Variants in MEI4 observed in about 807,000 individuals in gnomAD.
MEI4 encodes the protein meiotic double-stranded break formation protein 4, also known as meiosis-specific protein MEI4.
MEI4 carries 27 observed loss-of-function variants against 31.4 expected under a neutral mutation model. That is an observed-to-expected ratio of 0.86 (90% CI 0.63 to 1.19). The LOEUF is 1.19. Ranked by LOEUF, MEI4 falls within the 50% of genes most tolerant of loss-of-function variation. The pLI, the probability that MEI4 is intolerant of heterozygous loss-of-function variation, is 0.00. For missense variants in MEI4, 329 were observed against 398.9 expected (o/e 0.82, Z 1.49); for synonymous variants, 122 against 145.4 (o/e 0.84, Z 1.16).
intron 2 of MEI4, among the ~76,000 whole-genome samples, chr6:77,741,553 T>C (rs1043094586): frequency 6.6e-6 from 1 of 152,174 alleles, no homozygotes; most frequent in African/African-American, 2.4e-5. Flanking sequence ...GTTAATTTTA[T>C]ATGTCCACTT....
chr6:77,785,349 A>C lies in MEI4; in HGVS notation c.768+23684A>C, dbSNP rs141569509. On this transcript the variant is annotated intron_variant, in intron 3 of 4. Transcript: ENST00000684080. ...TGAAGATTTGTTTCAAGCACTTCTC[A>C]AGTATATATTACCACTTGGAGATAA... is the stretch of plus-strand genomic sequence containing the variant. 1.4e-3 allele frequency among the ~76,000 whole-genome samples: 212 copies of C among 152,292 alleles called. 1 individual carries two copies. The highest frequency in any genetic ancestry group is 4.5e-3 in the African/African-American group (186 of 41,568).
At chr6:77,749,260 A>G (rs1447947088) in intron 2 of MEI4, among the ~76,000 whole-genome samples, 1 of 152,160 alleles carries the variant, frequency 6.6e-6, no homozygotes, top group Non-Finnish European at 1.5e-5. Flanking sequence ...AAAACTGAAC[A>G]GAGAATGGGT....
chr6:77,902,293 T>C (rs796260535), intron 4 of MEI4, among the ~76,000 whole-genome samples: 1 of 152,256 alleles, frequency 6.6e-6, no homozygotes, highest in African/African-American at 2.4e-5. Flanking sequence ...TATATTATTT[T>C]GAGATACTAT....
chr6:77,675,013 G>C (rs1210924325), intron 1 of MEI4, among the ~76,000 whole-genome samples: 1 of 151,226 alleles, frequency 6.6e-6, no homozygotes, highest in Non-Finnish European at 1.5e-5. Context: ...ATTTTTCATT[G>C]CTTAATAGTA....
At chr6:77,801,847 T>C (rs1769270778) in intron 3 of MEI4, among the ~76,000 whole-genome samples, 1 of 152,228 alleles carries the variant, frequency 6.6e-6, no homozygotes, top group Non-Finnish European at 1.5e-5. Context: ...AGATAGTTTG[T>C]TATAATTTCT....
At chr6:77,908,482 G>T (rs984261962) in intron 4 of MEI4, among the ~76,000 whole-genome samples, 9 of 151,844 alleles carry the variant, frequency 5.9e-5, no homozygotes, top group Non-Finnish European at 1.0e-4. Flanking sequence ...ATTTCTGAGG[G>T]CTCTGTTCTG....
chr6:77,869,947 A>C (rs141199468), intron 4 of MEI4, among the ~76,000 whole-genome samples: 1 of 152,070 alleles, frequency 6.6e-6, no homozygotes, highest in South Asian at 2.1e-4. Context: ...CTGAGTGCCT[A>C]TCAGCTCCCC....
rs1171118826 is a variant in MEI4 at position 77,926,202 on chromosome 6, G to T, written c.*2856G>T. On this transcript the variant is annotated 3_prime_UTR_variant, in exon 5 of 5. Transcript: ENST00000684080. ...TACATGCTTAACTATGAACCTTAAGGCACAACAGTGGAAATTACTAGCTTA... is the reference window on the plus strand; with the variant it reads ...TACATGCTTAACTATGAACCTTAAGTCACAACAGTGGAAATTACTAGCTTA... The T allele has an allele frequency of 2.0e-5, 3 of 151,898 alleles. No individual in the cohort carries two copies. The highest frequency in any genetic ancestry group is 7.2e-5 in the African/African-American group (3 of 41,384). 9.4% of individuals were successfully genotyped at this position (151,898 alleles called of 1,614,324 possible).
At chr6:77,836,437 G>A (rs1770220349) in intron 4 of MEI4, among the ~76,000 whole-genome samples, 1 of 152,098 alleles carries the variant, frequency 6.6e-6, no homozygotes, top group African/African-American at 2.4e-5. Context: ...AAATTTGGAA[G>A]AAAGCATATT....
chr6:77,730,056 CAA>C (rs1264708736), intron 2 of MEI4, among the ~76,000 whole-genome samples: 1 of 151,830 alleles, frequency 6.6e-6, no homozygotes, highest in Non-Finnish European at 1.5e-5. Flanking sequence ...TGGTGGCAAA[CAA>C]AGTCAGGCAA....
At chr6:77,898,457 A>G (rs1244290982) in intron 4 of MEI4, among the ~76,000 whole-genome samples, 1 of 151,998 alleles carries the variant, frequency 6.6e-6, no homozygotes, top group African/African-American at 2.4e-5. Context: ...ACCAAATGGT[A>G]TATTATATTC....
At chr6:77,915,067 AT>A (rs1766513956) in intron 4 of MEI4, among the ~76,000 whole-genome samples, 1 of 152,024 alleles carries the variant, frequency 6.6e-6, no homozygotes, top group African/African-American at 2.4e-5. Flanking sequence ...GTTGTTATTA[AT>A]ATGTGATGGC....
rs550043808 is a variant in MEI4, at chr6:77,739,324, A to C, written c.233-21806A>C. 4.6e-5 allele frequency among the ~76,000 whole-genome samples: 7 copies of C among 152,220 alleles called. No homozygotes were observed. The South Asian group carries it at 1.5e-3, about 32-fold the overall frequency. The stretch of plus-strand genomic sequence containing the variant: ...ATGGCTAATCAGTTTTCCCAGCACT[A>C]TTTATTAAATAGGGAATCCTGTCCC... On this transcript the variant is annotated intron_variant, in intron 2 of 4. Transcript: ENST00000684080.
intron 2 of MEI4, among the ~76,000 whole-genome samples, chr6:77,712,437 G>A (rs1286571809): frequency 6.6e-6 from 1 of 152,028 alleles, no homozygotes; most frequent in Non-Finnish European, 1.5e-5. Flanking sequence ...TAACTTTATG[G>A]CATGAATATC....
At chr6:77,746,948 G>A (rs1316874364) in intron 2 of MEI4, among the ~76,000 whole-genome samples, 1 of 152,066 alleles carries the variant, frequency 6.6e-6, no homozygotes, top group Non-Finnish European at 1.5e-5. Flanking sequence ...CTTGTAGAGA[G>A]TTCAGGAAAA....
At chr6:77,917,691 C>A (rs554487355) in intron 4 of MEI4, among the ~76,000 whole-genome samples, 6,420 of 126,978 alleles carry the variant, frequency 0.051, 220 homozygotes, top group Non-Finnish European at 0.081. Flanking sequence ...GAGTAGGTTG[C>A]AAAAATTTTC....
intron 2 of MEI4, among the ~76,000 whole-genome samples, chr6:77,710,006 A>G (rs75336599): frequency 6.6e-6 from 1 of 152,250 alleles, no homozygotes; most frequent in Non-Finnish European, 1.5e-5. Context: ...GTTGTCTGCT[A>G]GGGTGAGAGA....
At chr6:77,816,603 GT>G (rs1769695179) in intron 3 of MEI4, among the ~76,000 whole-genome samples, 1 of 152,108 alleles carries the variant, frequency 6.6e-6, no homozygotes, top group Admixed American at 6.6e-5. Context: ...ATAAACATAG[GT>G]GTGCATGTGT....
At chr6:77,669,383 A>G (rs1378812295) in intron 1 of MEI4, among the ~76,000 whole-genome samples, 1 of 152,210 alleles carries the variant, frequency 6.6e-6, no homozygotes, top group Non-Finnish European at 1.5e-5. Flanking sequence ...TAAGTTTTAA[A>G]TGAGTGCCTA....
Sources: allele counts gnomAD v4.1 joint callset (sites outside exome capture counted in the v4.1 genomes callset), GRCh38; gene constraint gnomAD v4.1.1; transcripts MANE v1.5; gene names NCBI Gene and HGNC (gene_info 2026-07-23, HGNC 2026-07-21).